Variants in SMIM31 observed in about 807,000 individuals in gnomAD.
SMIM31 encodes the protein small integral membrane protein 31, also known as human epithelial cell program regulator.
chr4:164,788,443 A>G (rs76647353), intron 2 of SMIM31, among the ~76,000 whole-genome samples: 65 of 145,536 alleles, frequency 4.5e-4, no homozygotes, highest in South Asian at 1.1e-3. Flanking sequence ...CTCGTGGCCA[A>G]TCCGAATCTA....
At chr4:164,754,509 G>T (rs1732528547) in intron 1 of SMIM31, 98 bp downstream of exon 1, 2 of 132,336 alleles carry the variant, frequency 1.5e-5, no homozygotes, top group Admixed American at 8.0e-5. Context: ...ATATTTAACT[G>T]CCACAGCTAA....
intron 2 of SMIM31, among the ~76,000 whole-genome samples, chr4:164,771,924 G>C (rs578170866): frequency 6.6e-6 from 1 of 152,318 alleles, no homozygotes; most frequent in Admixed American, 6.5e-5. Context: ...GTGGAAATTA[G>C]AATGAAGCAG....
At chr4:164,755,715 G>A (rs1732552719) in intron 1 of SMIM31, among the ~76,000 whole-genome samples, 1 of 151,960 alleles carries the variant, frequency 6.6e-6, no homozygotes. Flanking sequence ...TGTCCCATGT[G>A]ATAAAATATA....
chr4:164,797,465 CTTTTTTTT>C (rs70952643), intron 2 of SMIM31, among the ~76,000 whole-genome samples: 1 of 131,356 alleles, frequency 7.6e-6, no homozygotes, highest in Non-Finnish European at 1.6e-5. Flanking sequence ...GATTTCTTTT[CTTTTTTTT>C]TTTTTTTTGA....
intron 2 of SMIM31, among the ~76,000 whole-genome samples, chr4:164,798,273 G>A (rs193143531): frequency 1.3e-5 from 2 of 148,416 alleles, no homozygotes; most frequent in African/African-American, 5.0e-5. Flanking sequence ...TCGCTCTGTC[G>A]CCCAGTCTGG....
At chr4:164,778,471 G>A (rs1021432484) in intron 2 of SMIM31, among the ~76,000 whole-genome samples, 1 of 152,152 alleles carries the variant, frequency 6.6e-6, no homozygotes, top group African/African-American at 2.4e-5. Context: ...TATATGTGAT[G>A]ACTCGATGAA....
chr4:164,758,102 A>G (rs1018936245), intron 1 of SMIM31, among the ~76,000 whole-genome samples: 6 of 152,080 alleles, frequency 3.9e-5, no homozygotes, highest in Admixed American at 2.6e-4. Context: ...AAGTGTATAT[A>G]TCTTCTCTAT....
At chr4:164,791,558 A>T (rs1733101552) in intron 2 of SMIM31, among the ~76,000 whole-genome samples, 1 of 151,954 alleles carries the variant, frequency 6.6e-6, no homozygotes, top group South Asian at 2.1e-4. Context: ...CTGGTGTCGA[A>T]CTCCTAGGCT....
At chr4:164,800,516 A>T (rs1486778713) in intron 2 of SMIM31, among the ~76,000 whole-genome samples, 1 of 152,152 alleles carries the variant, frequency 6.6e-6, no homozygotes, top group Non-Finnish European at 1.5e-5. Context: ...ACTGTTTAAC[A>T]TATTTATTTC....
At chr4:164,769,729 AAAACTT>A (rs529600558) in intron 1 of SMIM31, among the ~76,000 whole-genome samples, 2,784 of 131,996 alleles carry the variant, frequency 0.021, 86 homozygotes, top group African/African-American at 0.07. Context: ...CATGTACCCT[AAAACTT>A]AAAGTATAAA....
At chr4:164,792,231 C>T (rs1470057233) in intron 2 of SMIM31, among the ~76,000 whole-genome samples, 1 of 152,156 alleles carries the variant, frequency 6.6e-6, no homozygotes, top group South Asian at 2.1e-4. Context: ...TTATCATTAA[C>T]CTTTTTCAAA....
chr4:164,764,916 G>C (rs1732700539), intron 1 of SMIM31, among the ~76,000 whole-genome samples: 1 of 152,178 alleles, frequency 6.6e-6, no homozygotes, highest in African/African-American at 2.4e-5. Context: ...TTTCTAAAGA[G>C]CAGGGTTATC....
Position 164,758,801 on chromosome 4 carries a change from A to ATTTTTTT in SMIM31, c.-26+4424_-26+4430dup, listed in dbSNP as rs35632469. Among the ~76,000 whole-genome samples the ATTTTTTT allele has an allele frequency of 3.6e-3, 220 of 60,876 alleles. 5 individuals are homozygous for ATTTTTTT. Among genetic ancestry groups the ATTTTTTT allele is most frequent in the Middle Eastern group, 0.019 (1 of 52 alleles). The allele number at this position is 60,876 out of a possible 152,430, so 39.9% of individuals were successfully genotyped here. Reference sequence around the variant, plus strand: ...GGCGCCCGCCACCACGCCCGGCCAAATTTTTTTTTTTTTTTTTTTTTTTTT... The same window carrying ATTTTTTT: ...GGCGCCCGCCACCACGCCCGGCCAAATTTTTTTTTTTTTTTTTTTTTTTTTTTTTTTT... On this transcript the variant is annotated intron_variant, in intron 1 of 2. Transcript: ENST00000507311.
chr4:164,755,219 C>T (rs1010077876), intron 1 of SMIM31, among the ~76,000 whole-genome samples: 1 of 151,482 alleles, frequency 6.6e-6, no homozygotes, highest in African/African-American at 2.4e-5. Flanking sequence ...GTGGCTCATG[C>T]CTGTAATCCC....
intron 1 of SMIM31, among the ~76,000 whole-genome samples, chr4:164,769,986 G>A (rs911579697): frequency 6.6e-6 from 1 of 152,086 alleles, no homozygotes; most frequent in African/African-American, 2.4e-5. Context: ...TAGTGCTTCA[G>A]TTTCTTCATT....
At chr4:164,798,332 C>T (rs1733236005) in intron 2 of SMIM31, among the ~76,000 whole-genome samples, 1 of 151,460 alleles carries the variant, frequency 6.6e-6, no homozygotes, top group Admixed American at 6.6e-5. Context: ...CTCCTGGGTT[C>T]ACGCCATTCT....
rs375836324 is a variant in SMIM31, at chr4:164,768,840, T to A, written c.-25-1579T>A. 6.6e-5 allele frequency among the ~76,000 whole-genome samples: 10 copies of A among 152,328 alleles called. No individual in the cohort carries two copies. The East Asian group carries it at 1.5e-3, about 24-fold the overall frequency. ...TTAGCAGAGTTAATAGTCTTCATAT[T>A]CTCTGAAGAAGCAGAAGCTTGATCA... On this transcript the variant is annotated intron_variant, in intron 1 of 2. Coordinates refer to ENST00000507311, the MANE Select transcript of SMIM31 (RefSeq NM_001352885.1).
chr4:164,792,644 A>C (rs1335475558), intron 2 of SMIM31, among the ~76,000 whole-genome samples: 1 of 152,198 alleles, frequency 6.6e-6, no homozygotes, highest in Non-Finnish European at 1.5e-5. Context: ...CAGCATCTGA[A>C]CTGTGATTAC....
At chr4:164,789,834 TTCTC>T (rs545191613) in intron 2 of SMIM31, among the ~76,000 whole-genome samples, 97 of 152,314 alleles carry the variant, frequency 6.4e-4, no homozygotes, top group Middle Eastern at 3.4e-3. Flanking sequence ...AAGTTAATGT[TTCTC>T]TCTCTGAGTC....
Sources: allele counts gnomAD v4.1 joint callset (sites outside exome capture counted in the v4.1 genomes callset), GRCh38; gene constraint gnomAD v4.1.1; transcripts MANE v1.5; gene names NCBI Gene and HGNC (gene_info 2026-07-23, HGNC 2026-07-21).